The following CARD10 variants were observed in gnomAD, a reference collection of about 807,000 sequenced individuals.
CARD10 encodes the protein caspase recruitment domain-containing protein 10.
Under a neutral mutation model 114.6 loss-of-function variants are expected in CARD10, and 49 were observed. The observed-to-expected ratio is 0.43, with a 90% CI of 0.34 to 0.54. CARD10 has a LOEUF of 0.54. CARD10 is among the 20% of genes least tolerant of loss of function. The probability of loss-of-function intolerance (pLI) is 0.03; values close to 1 mark genes in which losing one functional copy is unlikely to be tolerated. For synonymous variants in CARD10, 602 were observed against 593.2 expected (o/e 1.01, Z -0.21); for missense variants, 1,206 against 1,397.2 (o/e 0.86, Z 2.18).
At chr22:37,497,879 T>C (rs965324264) in intron 11 of CARD10, among the ~76,000 whole-genome samples, 2 of 149,730 alleles carry the variant, frequency 1.3e-5, no homozygotes, top group African/African-American at 4.9e-5. Context: ...AAGCTTGTTA[T>C]GCTCACAGTC....
intron 3 of CARD10, among the ~76,000 whole-genome samples, chr22:37,511,229 C>T (rs144964242): frequency 0.01 from 1,539 of 150,914 alleles, 23 homozygotes; most frequent in African/African-American, 0.036. Context: ...TGGTGGTGCG[C>T]GCCTATTATC....
rs1325788566 is a variant in CARD10 at position 37,494,103 on chromosome 22, A to T, written c.2459T>A (p.Leu820Gln). Residue 820 changes from leucine (L) to glutamine (Q), a missense_variant, in exon 16 of 20, where the codon CTG becomes CAG. Around this residue, in one of 2 missense-constraint regions of CARD10, gnomAD observed 1,068 missense variants for 1,179.1 expected, o/e 0.91. Coordinates refer to ENST00000251973, the MANE Select transcript of CARD10 (RefSeq NM_014550.4). ...APAGDSPDQL[L>Q]LEPCAEPERS... is the part of the protein sequence containing the mutation. ...GCACTCACCTGCACAGGGCTCCAGC[A>T]GCAGCTGATCCGGGGAGTCCCCTGC... 6 of 1,556,818 alleles carry T rather than the reference A, an allele frequency of 3.9e-6. No homozygotes were observed. The highest frequency in any genetic ancestry group is 5.2e-6 in the Non-Finnish European group (6 of 1,150,350).
chr22:37,503,881 T>C (rs771882787), intron 9 of CARD10: 4 of 491,088 alleles, frequency 8.1e-6, no homozygotes, highest in Non-Finnish European at 1.5e-5. Flanking sequence ...CCACGCCCCC[T>C]AGTCCTGAAC....
At chr22:37,491,727 T>C (rs1418506412) in intron 19 of CARD10, 28 bp downstream of exon 19, 2 of 1,249,250 alleles carry the variant, frequency 1.6e-6, no homozygotes, top group East Asian at 2.6e-5. Flanking sequence ...CCGAGTGCCC[T>C]GCCCACTGCC....
rs1410734645 is a variant in CARD10 at position 37,501,295 on chromosome 22, G to C, written c.1787+1307C>G. On this transcript the variant is annotated intron_variant, in intron 11 of 19. Coordinates refer to ENST00000251973, the MANE Select transcript of CARD10 (RefSeq NM_014550.4). This position sits in a 1 kb window ranked among gnomAD's most constrained non-coding sequence, Gnocchi z 5.4. ...GGGCGGGGCTGGGACGGAGGCTCCTGCTCCCTGGCTGCATCCTGGCGCCCC... is the reference window on the plus strand; with the variant it reads ...GGGCGGGGCTGGGACGGAGGCTCCTCCTCCCTGGCTGCATCCTGGCGCCCC... 6.6e-6 allele frequency among the ~76,000 whole-genome samples: 1 copy of C among 152,134 alleles called. No individual in the cohort carries two copies. Among genetic ancestry groups the C allele is most frequent in the African/African-American group, 2.4e-5 (1 of 41,420 alleles).
intron 11 of CARD10, 82 bp from the exon 12 acceptor site, chr22:37,497,260 T>C: frequency 6.9e-7 from 1 of 1,439,812 alleles, no homozygotes; most frequent in Non-Finnish European, 9.4e-7. Context: ...ACCACAGTGA[T>C]TTCATTTCCC....
chr22:37,497,224 T>C (rs1187405224), intron 11 of CARD10, 46 bp from the exon 12 acceptor site: 1 of 1,568,052 alleles, frequency 6.4e-7, no homozygotes, highest in Non-Finnish European at 8.6e-7. Context: ...AATCAGTACT[T>C]GGATTCAGTT....
intron 15 of CARD10, 121 bp downstream of exon 15, chr22:37,495,396 A>T: frequency 1.3e-6 from 1 of 740,954 alleles, no homozygotes; most frequent in Non-Finnish European, 2.2e-6. Flanking sequence ...ATGACCAATT[A>T]AATCACCAGG....
rs868390025 is a variant in CARD10 at position 37,508,683 on chromosome 22, C to T, written c.910-1G>A. 1 of 1,554,438 alleles carries T rather than the reference C, an allele frequency of 6.4e-7. No homozygotes were observed. The highest frequency in any genetic ancestry group is 8.7e-7 in the Non-Finnish European group (1 of 1,154,566). On this transcript the variant is annotated splice_acceptor_variant, in intron 4 of 19. Transcript: ENST00000251973. LOFTEE classifies it high-confidence loss of function. ...CCGGGGCCCCCGGCCGGCTCGCCTC[C>T]TGGGGATCACAGGGCAGGGCCACCT...
At chr22:37,503,142 C>T in intron 10 of CARD10, 43 bp downstream of exon 10, 3 of 1,603,182 alleles carry the variant, frequency 1.9e-6, no homozygotes, top group South Asian at 2.2e-5. Context: ...AGCCACCTCC[C>T]CCGACCAGAG....
intron 4 of CARD10, chr22:37,509,136 C>T: frequency 6.7e-7 from 1 of 1,489,290 alleles, no homozygotes. Flanking sequence ...CAGACCCACA[C>T]CCCAGCCAAG....
At chr22:37,504,600 G>C (rs3817804) in intron 8 of CARD10, 35 bp downstream of exon 8, 2 of 1,448,464 alleles carry the variant, frequency 1.4e-6, no homozygotes, top group Non-Finnish European at 1.8e-6. Flanking sequence ...CTATAGCAGT[G>C]TCCCCCCTTA....
At chr22:37,513,857 G>A (rs1366311989) in intron 3 of CARD10, among the ~76,000 whole-genome samples, 1 of 152,090 alleles carries the variant, frequency 6.6e-6, no homozygotes, top group Non-Finnish European at 1.5e-5. Flanking sequence ...CCAGCACTTT[G>A]GGAGGCTGAG....
chr22:37,510,209 T>A lies in CARD10; in HGVS notation c.909+3A>T. The A allele has an allele frequency of 1.9e-6, 3 of 1,599,560 alleles. No individual in the cohort carries two copies. Among genetic ancestry groups the A allele is most frequent in the Non-Finnish European group, 2.5e-6 (3 of 1,179,730 alleles). On this transcript the variant is annotated splice_donor_region_variant and intron_variant, in intron 4 of 19. Transcript: ENST00000251973. ...CTGTGCCCACAAGCCCTGGCCCTGG[T>A]ACCTGCTGCAGGCCCTCCTGCAACT...
Position 37,492,362 on chromosome 22 carries a change from G to T in CARD10, c.2751+73C>A. On this transcript the variant is annotated intron_variant, in intron 18 of 19. Transcript: ENST00000251973. The surrounding 1 kb of genome is among the most constrained non-coding windows in gnomAD (Gnocchi z 5.7). ...GCATGGCCCGCGCTCAGACGCTGGC[G>T]CTCAAGCCCAGAACAGCAGCACCCG... The T allele has an allele frequency of 8.6e-7, 1 of 1,161,484 alleles. No homozygotes were observed. Among genetic ancestry groups the T allele is most frequent in the Non-Finnish European group, 1.2e-6 (1 of 830,168 alleles). 71.9% of individuals were successfully genotyped at this position (1,161,484 alleles called of 1,614,324 possible).
chr22:37,505,188 G>A (rs1569165124), intron 7 of CARD10, among the ~76,000 whole-genome samples: 1 of 151,810 alleles, frequency 6.6e-6, no homozygotes, highest in Non-Finnish European at 1.5e-5. Flanking sequence ...AACCAGGCGA[G>A]AGGACAAGAG....
chr22:37,494,159 C>A lies in CARD10; in HGVS notation c.2403G>T (p.Arg801=), dbSNP rs933035290. Reference sequence around the variant, plus strand: ...CCCCCACGGGCTTGGGCCTCACCAGCCGCAGCTGGTCCAGGGCTCTCTTCT... The same window carrying A: ...CCCCCACGGGCTTGGGCCTCACCAGACGCAGCTGGTCCAGGGCTCTCTTCT... ...NLKKRALDQL[R]LVRPKPVGAP... is the part of the protein sequence containing the mutation. Residue 801 remains arginine, a synonymous_variant, in exon 16 of 20, where the codon CGG becomes CGT. Transcript: ENST00000251973. 25 of 1,556,782 alleles carry A rather than the reference C, an allele frequency of 1.6e-5. No individual in the cohort carries two copies. The Admixed American group carries it at 3.7e-4, about 23-fold the overall frequency.
intron 3 of CARD10, among the ~76,000 whole-genome samples, chr22:37,513,301 G>A (rs1033861813): frequency 8.6e-5 from 13 of 152,028 alleles, no homozygotes; most frequent in African/African-American, 2.4e-4. Context: ...TAGTACAGAC[G>A]GGGTTTCACC....
chr22:37,518,828 CCCA>C (rs1923929901), intron 1 of CARD10, 135 bp downstream of exon 1: 1 of 1,092,086 alleles, frequency 9.2e-7, no homozygotes, highest in Admixed American at 3.0e-5. Context: ...GGTGGGCATA[CCCA>C]GCCGGCCCAC....
Sources: allele counts gnomAD v4.1 joint callset (sites outside exome capture counted in the v4.1 genomes callset), GRCh38; gene constraint gnomAD v4.1.1; regional missense constraint gnomAD v4.1.1; non-coding constraint Gnocchi (gnomAD v3.1); transcripts MANE v1.5; gene names NCBI Gene and HGNC (gene_info 2026-07-23, HGNC 2026-07-21).